Variants in COG3 observed in about 807,000 individuals in gnomAD.
COG3 encodes the protein component of oligomeric golgi complex 3, also known as conserved oligomeric Golgi complex subunit 3.
Under a neutral mutation model 114.1 loss-of-function variants are expected in COG3, and 32 were observed. That is an observed-to-expected ratio of 0.28 (90% confidence interval 0.21 to 0.38). COG3 has a LOEUF of 0.38. Among genes scored for constraint, COG3 ranks in the 10% least tolerant of loss-of-function variants. The pLI is 1.00. For missense variants in COG3, 813 were observed against 973.2 expected, an observed-to-expected ratio of 0.84 and a Z score of 2.19; for synonymous variants, 352 against 365.7, an observed-to-expected ratio of 0.96 and a Z score of 0.43.
At chr13:45,496,363 G>A (rs2137840511) in intron 13 of COG3, 51 bp downstream of exon 13, 1 of 1,290,194 alleles carries the variant, frequency 7.8e-7, no homozygotes, top group East Asian at 2.9e-5. Flanking sequence ...GCTTTTAGAT[G>A]TTTTATTTAT....
chr13:45,530,423 G>C (rs915311454), intron 21 of COG3, among the ~76,000 whole-genome samples: 1 of 152,160 alleles, frequency 6.6e-6, no homozygotes, highest in African/African-American at 2.4e-5. Flanking sequence ...GTAAGAAATT[G>C]CTGCAGAAGA....
intron 20 of COG3, 135 bp downstream of exon 20, chr13:45,525,186 C>T: frequency 1.7e-6 from 1 of 580,978 alleles, no homozygotes; most frequent in Admixed American, 3.2e-5. Context: ...ATGCAGGATT[C>T]AATTTGGAGC....
intron 16 of COG3, among the ~76,000 whole-genome samples, chr13:45,514,899 C>A (rs1165819747): frequency 6.6e-6 from 1 of 151,152 alleles, no homozygotes; most frequent in Admixed American, 6.6e-5. Flanking sequence ...CCGACTGTCT[C>A]GGCCTCCCAA....
At chr13:45,525,508 T>A (rs1051168221) in intron 20 of COG3, among the ~76,000 whole-genome samples, 2 of 152,052 alleles carry the variant, frequency 1.3e-5, no homozygotes, top group Admixed American at 6.5e-5. Flanking sequence ...GAAAAAAAAT[T>A]GTAAAAATTG....
chr13:45,496,351 C>T (rs774906000), intron 13 of COG3, 39 bp downstream of exon 13: 1 of 1,422,472 alleles, frequency 7.0e-7, no homozygotes, highest in Admixed American at 2.4e-5. Context: ...TGCCCCCACA[C>T]AGCTTTTAGA....
intron 2 of COG3, 29 bp from the exon 3 acceptor site, chr13:45,478,976 G>A (rs1199369693): frequency 6.4e-7 from 1 of 1,557,026 alleles, no homozygotes; most frequent in South Asian, 1.1e-5. Flanking sequence ...TTTTAGTTTT[G>A]TTCACAATAT....
chr13:45,494,122 C>G (rs1320542767), intron 12 of COG3, among the ~76,000 whole-genome samples: 1 of 151,982 alleles, frequency 6.6e-6, no homozygotes, highest in Non-Finnish European at 1.5e-5. Context: ...GTCAGGAGTT[C>G]AAGAACAGCC....
In COG3 at chr13:45,476,334, A is replaced by T; in HGVS notation, c.308A>T (p.Glu103Val). The T allele has an allele frequency of 5.0e-6, 8 of 1,613,974 alleles. No homozygotes were observed. Among genetic ancestry groups the T allele is most frequent in the Non-Finnish European group, 6.8e-6 (8 of 1,179,940 alleles). The change falls in exon 2 of 23, where the codon GAA becomes GTA. Residue 103 changes from glutamate to valine, a missense_variant. Coordinates refer to ENST00000349995, the MANE Select transcript of COG3 (RefSeq NM_031431.4). ...TTAGGAATGGAAGAAGAAAGAATTG[A>T]AACCGCACAGCAGGTGAATTGCAGT... ...TSLGMEEERI[E>V]TAQQFFSWFA... is the part of the protein sequence containing the mutation.
At chr13:45,527,950 G>A (rs1411276277) in intron 20 of COG3, among the ~76,000 whole-genome samples, 1 of 152,144 alleles carries the variant, frequency 6.6e-6, no homozygotes, top group Non-Finnish European at 1.5e-5. Flanking sequence ...GGAAAAATGG[G>A]GATGGGATTT....
intron 8 of COG3, among the ~76,000 whole-genome samples, chr13:45,489,288 A>C (rs1181023699): frequency 2.7e-5 from 4 of 145,502 alleles, no homozygotes; most frequent in African/African-American, 5.2e-5. Context: ...AAAGCCAACC[A>C]GTTTAAAGGA....
chr13:45,508,452 A>G (rs1374070094), intron 14 of COG3, among the ~76,000 whole-genome samples: 5 of 148,794 alleles, frequency 3.4e-5, no homozygotes, highest in African/African-American at 7.4e-5. Context: ...ATATATGTGT[A>G]TGTGTGTATT....
At chr13:45,533,960 A>G (rs1377213204) in intron 22 of COG3, among the ~76,000 whole-genome samples, 1 of 152,188 alleles carries the variant, frequency 6.6e-6, no homozygotes, top group Non-Finnish European at 1.5e-5. Context: ...GTACTGATAG[A>G]ATGGTTCACA....
intron 13 of COG3, among the ~76,000 whole-genome samples, chr13:45,500,617 T>A (rs1869422046): frequency 6.6e-6 from 1 of 152,226 alleles, no homozygotes; most frequent in African/African-American, 2.4e-5. Flanking sequence ...AGTTTTTATA[T>A]ACCCTGCACC....
In COG3 at chr13:45,476,074, A is replaced by G. The variant is rs1885841041; in HGVS notation, c.175-127A>G. 3 of 827,998 alleles carry G rather than the reference A, an allele frequency of 3.6e-6. No individual in the cohort carries two copies. The Admixed American group carries it at 7.2e-5, about 20-fold the overall frequency. The allele number at this position is 827,998 out of a possible 1,614,324, so 51.3% of individuals were successfully genotyped here. A position where few individuals can be genotyped will look rare whatever the true frequency, so the allele number is the denominator to read the frequency against. On this transcript the variant is annotated intron_variant, in intron 1 of 22. Coordinates refer to ENST00000349995, the MANE Select transcript of COG3 (RefSeq NM_031431.4). ...TGTTAGTACTATATAGTATTTATTA[A>G]CTTAATGTGATTTAATGGAAAATAT... is the stretch of plus-strand genomic sequence containing the variant.
rs1178396804 is a variant in COG3 at position 45,509,684 on chromosome 13, G to A, written c.1595-8G>A. 1 of 1,611,738 alleles carries A rather than the reference G, an allele frequency of 6.2e-7. No individual in the cohort carries two copies. Among genetic ancestry groups the A allele is most frequent in the East Asian group, 2.2e-5 (1 of 44,830 alleles). On this transcript the variant is annotated splice_polypyrimidine_tract_variant and splice_region_variant and intron_variant, in intron 14 of 22. Coordinates refer to ENST00000349995, the MANE Select transcript of COG3 (RefSeq NM_031431.4). ...TGAAATGTGTCTTCTTTTCCACTTG[G>A]GTTTTAGGTTCAACAGAATCCCTCA...
At chr13:45,476,894 C>G (rs1203400645) in intron 2 of COG3, among the ~76,000 whole-genome samples, 1 of 151,974 alleles carries the variant, frequency 6.6e-6, no homozygotes, top group African/African-American at 2.4e-5. Context: ...GAGGCATTGA[C>G]CAAATAAAAC....
At chr13:45,500,442 T>C (rs1435254209) in intron 13 of COG3, among the ~76,000 whole-genome samples, 1 of 152,204 alleles carries the variant, frequency 6.6e-6, no homozygotes, top group Non-Finnish European at 1.5e-5. Flanking sequence ...AGTGCCAATC[T>C]GTGTTGTTAA....
At chr13:45,524,755 C>T (rs569841392) in intron 19 of COG3, among the ~76,000 whole-genome samples, 1 of 152,104 alleles carries the variant, frequency 6.6e-6, no homozygotes, top group South Asian at 2.1e-4. Flanking sequence ...AACCATATGC[C>T]TTGAAATCAC....
chr13:45,496,584 G>A (rs1261072574), intron 13 of COG3, among the ~76,000 whole-genome samples: 5 of 152,152 alleles, frequency 3.3e-5, no homozygotes, highest in African/African-American at 1.2e-4. Context: ...GTAAAATCAA[G>A]ATAAGTTTGC....
Sources: gnomAD v4.1 joint callset for allele counts (sites outside exome capture counted in the v4.1 genomes callset) on GRCh38, gnomAD v4.1.1 for gene constraint, MANE v1.5 for transcripts, NCBI Gene and HGNC (gene_info 2026-07-23, HGNC 2026-07-21) for gene names.